Variants in SRD5A1 observed in about 807,000 individuals in gnomAD.
SRD5A1 encodes the protein steroid 5 alpha-reductase 1.
In SRD5A1, 22 loss-of-function variants were observed where a neutral mutation model predicts 28.2. The observed-to-expected ratio is 0.78, with a 90% CI of 0.56 to 1.12. The LOEUF is 1.12. Among genes scored for constraint, SRD5A1 ranks in the 50% most tolerant of loss-of-function variants. The pLI, the probability that SRD5A1 is intolerant of heterozygous loss-of-function variation, is 0.00. For synonymous variants in SRD5A1, 151 were observed against 135.0 expected, an observed-to-expected ratio of 1.12 and a Z score of -0.82; for missense variants, 300 against 346.7, an observed-to-expected ratio of 0.87 and a Z score of 1.07.
chr5:6,665,022 A>T (rs1307232433), intron 4 of SRD5A1, among the ~76,000 whole-genome samples: 3 of 152,270 alleles, frequency 2.0e-5, no homozygotes, highest in Non-Finnish European at 4.4e-5. Flanking sequence ...AGAAGGTCAT[A>T]TGAGAGTCCT....
At chr5:6,641,234 C>G (rs1035382756) in intron 1 of SRD5A1, among the ~76,000 whole-genome samples, 1 of 152,166 alleles carries the variant, frequency 6.6e-6, no homozygotes, top group Admixed American at 6.5e-5. Flanking sequence ...CCTCTAGAGT[C>G]TAAACAAAGA....
At chr5:6,637,207 C>G (rs1738210721) in intron 1 of SRD5A1, among the ~76,000 whole-genome samples, 1 of 152,114 alleles carries the variant, frequency 6.6e-6, no homozygotes, top group Admixed American at 6.5e-5. Flanking sequence ...TCCTGGCAGG[C>G]CTCCCTAGGG....
intron 1 of SRD5A1, among the ~76,000 whole-genome samples, chr5:6,638,116 A>T (rs1379161369): frequency 6.6e-6 from 1 of 152,206 alleles, no homozygotes; most frequent in South Asian, 2.1e-4. Flanking sequence ...AGGAAGGTGG[A>T]TCACACGAGG....
intron 3 of SRD5A1, among the ~76,000 whole-genome samples, chr5:6,659,364 T>C (rs543592694): frequency 1.8e-4 from 27 of 151,864 alleles, no homozygotes; most frequent in Non-Finnish European, 2.2e-4. Flanking sequence ...CCGCCCACCT[T>C]GGCCTCCCAA....
chr5:6,650,431 T>A (rs1437277436), intron 1 of SRD5A1, among the ~76,000 whole-genome samples: 1 of 151,542 alleles, frequency 6.6e-6, no homozygotes, highest in Admixed American at 6.6e-5. Flanking sequence ...AAAAAAGAGT[T>A]CCTTATTATC....
At chr5:6,660,419 C>T (rs1341231596) in intron 3 of SRD5A1, among the ~76,000 whole-genome samples, 21 of 152,374 alleles carry the variant, frequency 1.4e-4, no homozygotes, top group Non-Finnish European at 1.5e-5. Flanking sequence ...GGGTGACTGG[C>T]ATCTGCAGGG....
At chr5:6,637,223 C>T (rs1258053281) in intron 1 of SRD5A1, among the ~76,000 whole-genome samples, 1 of 152,076 alleles carries the variant, frequency 6.6e-6, no homozygotes, top group East Asian at 1.9e-4. Context: ...TAGGGCCTTC[C>T]GAAGCCTGTG....
At chr5:6,656,225 G>A (rs1209461207) in intron 3 of SRD5A1, 46 bp downstream of exon 3, 1 of 1,500,130 alleles carries the variant, frequency 6.7e-7, no homozygotes, top group South Asian at 1.1e-5. Context: ...GCTTGCCATG[G>A]TTCCTGGCTA....
chr5:6,650,841 T>C (rs1249423550), intron 1 of SRD5A1, among the ~76,000 whole-genome samples: 2 of 138,498 alleles, frequency 1.4e-5, no homozygotes, highest in East Asian at 5.0e-4. Context: ...CCCCTTCCTG[T>C]GTCCATGTGA....
intron 3 of SRD5A1, among the ~76,000 whole-genome samples, chr5:6,659,325 G>A (rs1191284030): frequency 1.3e-5 from 2 of 151,980 alleles, no homozygotes; most frequent in Non-Finnish European, 2.9e-5. Context: ...GTGTTAGCCA[G>A]GATGGTCTCG....
At chr5:6,660,617 C>T (rs1044911153) in intron 3 of SRD5A1, among the ~76,000 whole-genome samples, 2 of 152,272 alleles carry the variant, frequency 1.3e-5, no homozygotes, top group South Asian at 4.1e-4. Context: ...TCCATTCTTG[C>T]AGGTGCTTCT....
At chr5:6,659,772 T>C (rs75410281) in intron 3 of SRD5A1, among the ~76,000 whole-genome samples, 2 of 152,296 alleles carry the variant, frequency 1.3e-5, no homozygotes, top group East Asian at 3.9e-4. Context: ...AGCCAAAATA[T>C]TATCCTAGCT....
intron 3 of SRD5A1, among the ~76,000 whole-genome samples, chr5:6,657,390 G>A (rs1423837715): frequency 6.6e-6 from 1 of 152,228 alleles, no homozygotes; most frequent in East Asian, 1.9e-4. Context: ...GCACCCTCAT[G>A]GGGTCATCCC....
chr5:6,635,630 G>A (rs970323173), intron 1 of SRD5A1, among the ~76,000 whole-genome samples: 2 of 152,222 alleles, frequency 1.3e-5, no homozygotes, highest in Non-Finnish European at 2.9e-5. Context: ...GCATCTGCGT[G>A]CTCAGTACAC....
chr5:6,644,796 C>T (rs1408097361), intron 1 of SRD5A1: 1 of 439,384 alleles, frequency 2.3e-6, no homozygotes, highest in Non-Finnish European at 4.6e-6. Context: ...CCAAATTCTG[C>T]TTGTTCCACA....
At chr5:6,657,110 C>T (rs908791203) in intron 3 of SRD5A1, among the ~76,000 whole-genome samples, 1 of 152,206 alleles carries the variant, frequency 6.6e-6, no homozygotes, top group African/African-American at 2.4e-5. Context: ...GGCGTGACAT[C>T]ACTTAGTTTG....
intron 3 of SRD5A1, among the ~76,000 whole-genome samples, chr5:6,657,246 G>T (rs148299504): frequency 2.6e-5 from 4 of 152,234 alleles, no homozygotes; most frequent in Non-Finnish European, 5.9e-5. Flanking sequence ...AGCTCCAGAC[G>T]TGATGGTAGT....
chr5:6,668,196 TC>T lies in SRD5A1; in HGVS notation c.714-5del. ...ATTATTTCCTTTTTTAATTTTTTTT[TC>T]TTAGGTGGTACCTCCGGAAATTTGA... On this transcript the variant is annotated splice_polypyrimidine_tract_variant and splice_region_variant and intron_variant, in intron 4 of 4. Coordinates refer to ENST00000274192, the MANE Select transcript of SRD5A1 (RefSeq NM_001047.4). 6.5e-7 allele frequency: 1 copy of T among 1,545,904 alleles called. No homozygotes were observed. The highest frequency in any genetic ancestry group is 8.8e-7 in the Non-Finnish European group (1 of 1,140,766).
At chr5:6,659,689 G>A (rs1027791910) in intron 3 of SRD5A1, among the ~76,000 whole-genome samples, 2 of 152,176 alleles carry the variant, frequency 1.3e-5, no homozygotes, top group African/African-American at 2.4e-5. Flanking sequence ...GGGAAAGTTC[G>A]TTAGATTCTT....
Sources: allele counts gnomAD v4.1 joint callset (sites outside exome capture counted in the v4.1 genomes callset), GRCh38; gene constraint gnomAD v4.1.1; transcripts MANE v1.5; gene names NCBI Gene and HGNC (gene_info 2026-07-23, HGNC 2026-07-21).